CAB39: variants seen among roughly 807,000 people sequenced by gnomAD.
CAB39 encodes calcium-binding protein 39.
In CAB39, 8 loss-of-function variants were observed where a neutral mutation model predicts 40.0. That is an observed-to-expected ratio of 0.20 (90% CI 0.12 to 0.36). The LOEUF is 0.36. Among genes scored for constraint, CAB39 ranks in the 10% least tolerant of loss-of-function variants. The probability of loss-of-function intolerance (pLI) is 1.00; values close to 1 mark genes in which losing one functional copy is unlikely to be tolerated. For missense variants in CAB39, 270 were observed against 401.1 expected (o/e 0.67, Z 2.79); for synonymous variants, 156 against 141.6 (o/e 1.10, Z -0.72).
intron 1 of CAB39, among the ~76,000 whole-genome samples, chr2:230,753,634 C>G (rs1437933756): frequency 6.6e-6 from 1 of 151,330 alleles, no homozygotes; most frequent in Non-Finnish European, 1.5e-5. Context: ...CTAGTCCCAG[C>G]TACTGGGGAG....
chr2:230,777,687 G>T (rs1012985106), intron 2 of CAB39, among the ~76,000 whole-genome samples: 2 of 152,112 alleles, frequency 1.3e-5, no homozygotes, highest in South Asian at 4.2e-4. Context: ...GGGATTACAG[G>T]TGTGAGCCAC....
intron 4 of CAB39, among the ~76,000 whole-genome samples, chr2:230,796,227 A>G (rs1695984131): frequency 6.6e-6 from 1 of 152,172 alleles, no homozygotes; most frequent in Admixed American, 6.5e-5. Flanking sequence ...GCTTCCATAC[A>G]GTGTGATTAT....
intron 5 of CAB39, among the ~76,000 whole-genome samples, chr2:230,802,767 A>G (rs188102958): frequency 6.6e-6 from 1 of 152,322 alleles, no homozygotes; most frequent in African/African-American, 2.4e-5. Flanking sequence ...CAATCATTAA[A>G]AGACTGTCAA....
intron 1 of CAB39, among the ~76,000 whole-genome samples, chr2:230,728,743 A>G (rs1694632186): frequency 6.6e-6 from 1 of 152,034 alleles, no homozygotes; most frequent in Non-Finnish European, 1.5e-5. Context: ...CTGAGTAGCT[A>G]GGGCTACAGG....
At chr2:230,783,744 C>T (rs1559609533) in intron 2 of CAB39, among the ~76,000 whole-genome samples, 2 of 152,100 alleles carry the variant, frequency 1.3e-5, no homozygotes, top group African/African-American at 2.4e-5. Flanking sequence ...TCAAGCCATC[C>T]ATCTGCCTTG....
chr2:230,744,609 G>A (rs944906292), intron 1 of CAB39, among the ~76,000 whole-genome samples: 6 of 152,228 alleles, frequency 3.9e-5, no homozygotes, highest in East Asian at 1.9e-4. Context: ...ATATTTTGAA[G>A]TATATTCTCT....
chr2:230,762,712 C>A (rs911757312), intron 2 of CAB39, among the ~76,000 whole-genome samples: 5 of 152,208 alleles, frequency 3.3e-5, no homozygotes, highest in African/African-American at 1.2e-4. Flanking sequence ...TCATTACATT[C>A]ATTCTATTCA....
At chr2:230,748,346 C>A (rs142650789) in intron 1 of CAB39, among the ~76,000 whole-genome samples, 2 of 152,106 alleles carry the variant, frequency 1.3e-5, no homozygotes, top group Admixed American at 1.3e-4. Flanking sequence ...ATGCTTTGTA[C>A]TTCCTATTGT....
chr2:230,801,242 T>A (rs1696084483), intron 5 of CAB39, among the ~76,000 whole-genome samples: 1 of 152,110 alleles, frequency 6.6e-6, no homozygotes, highest in Admixed American at 6.5e-5. Context: ...TCAGGGTAGC[T>A]AAACTAGCAG....
At chr2:230,790,820 G>A in intron 2 of CAB39, 52 bp from the exon 3 acceptor site, 1 of 1,477,234 alleles carries the variant, frequency 6.8e-7, no homozygotes, top group South Asian at 1.2e-5. Context: ...TTATATGTTT[G>A]TTAAAATGAA....
chr2:230,817,691 T>G (rs972937758), intron 7 of CAB39, 63 bp from the exon 8 acceptor site: 4 of 1,330,680 alleles, frequency 3.0e-6, no homozygotes, highest in Non-Finnish European at 4.1e-6. Context: ...ATAAATTGTT[T>G]TTTTAAACTT....
At chr2:230,734,142 T>C (rs72993176) in intron 1 of CAB39, among the ~76,000 whole-genome samples, 2,770 of 152,344 alleles carry the variant, frequency 0.018, 44 homozygotes, top group Non-Finnish European at 0.027. Context: ...AACTCATTTT[T>C]TCCAACAAAA....
chr2:230,808,015 C>T (rs1353354499), intron 5 of CAB39, among the ~76,000 whole-genome samples: 1 of 152,000 alleles, frequency 6.6e-6, no homozygotes, highest in Non-Finnish European at 1.5e-5. Context: ...TTGTTATTCA[C>T]CAAGATTGTC....
chr2:230,761,359 T>C (rs1288548568), intron 2 of CAB39, among the ~76,000 whole-genome samples: 1 of 152,178 alleles, frequency 6.6e-6, no homozygotes, highest in African/African-American at 2.4e-5. Context: ...TTCTTACACT[T>C]ATTCACATGT....
intron 1 of CAB39, among the ~76,000 whole-genome samples, chr2:230,726,615 AAGG>A (rs1694577365): frequency 6.6e-6 from 1 of 152,142 alleles, no homozygotes. Flanking sequence ...TGTAGGCAGG[AAGG>A]AACTAGGAAC....
intron 1 of CAB39, among the ~76,000 whole-genome samples, chr2:230,728,084 C>CA (rs1694618848): frequency 6.6e-6 from 1 of 151,914 alleles, no homozygotes; most frequent in South Asian, 2.1e-4. Flanking sequence ...ACTAAAAATA[C>CA]AAAAATTAGC....
At position 230,760,028 on chromosome 2, in the gene CAB39, C is replaced by A. The variant is rs772859015; in HGVS notation, c.27C>A (p.His9Gln). 6.2e-7 allele frequency: 1 copy of A among 1,613,290 alleles called. No homozygotes were observed. Among genetic ancestry groups the A allele is most frequent in the Admixed American group, 1.7e-5 (1 of 59,994 alleles). ...TGCCGTTCCCGTTTGGGAAGTCTCA[C>A]AAATCTCCAGCAGACATTGTGAAGA... MPFPFGKS[H>Q]KSPADIVKNL... Residue 9 changes from histidine to glutamine, a missense_variant, in exon 2 of 9, where the codon CAC becomes CAA. Coordinates refer to ENST00000258418, the MANE Select transcript of CAB39 (RefSeq NM_016289.4).
intron 2 of CAB39, among the ~76,000 whole-genome samples, chr2:230,783,535 C>T (rs1361352273): frequency 6.6e-6 from 1 of 151,990 alleles, no homozygotes; most frequent in Non-Finnish European, 1.5e-5. Context: ...GGATGAAGTG[C>T]AGTGGCACCA....
chr2:230,757,702 C>G (rs1252994205), intron 1 of CAB39, among the ~76,000 whole-genome samples: 1 of 152,126 alleles, frequency 6.6e-6, no homozygotes, highest in Non-Finnish European at 1.5e-5. Context: ...TTCCCACCCT[C>G]CACATCACTG....
Sources: gnomAD v4.1 joint callset for allele counts (sites outside exome capture counted in the v4.1 genomes callset) on GRCh38, gnomAD v4.1.1 for gene constraint, MANE v1.5 for transcripts, NCBI Gene and HGNC (gene_info 2026-07-23, HGNC 2026-07-21) for gene names.